The following ENTREP1 variants were observed in gnomAD, a reference collection of about 807,000 sequenced individuals.
ENTREP1 encodes endosomal transmembrane epsin interactor 1.
the ENTREP1 span, among the ~76,000 whole-genome samples, chr9:69,361,988 G>A: frequency 6.6e-6 from 1 of 151,896 alleles, no homozygotes; most frequent in Admixed American, 6.6e-5. Flanking sequence ...CATTTTAGTG[G>A]GTTTTCAGGA....
the ENTREP1 span, among the ~76,000 whole-genome samples, chr9:69,376,450 A>T: frequency 9.9e-5 from 15 of 152,238 alleles, no homozygotes. Context: ...AGAGAAATAC[A>T]AAATTAGCCT....
chr9:69,368,950 A>G, the ENTREP1 span, among the ~76,000 whole-genome samples: 2 of 152,024 alleles, frequency 1.3e-5, no homozygotes, highest in Non-Finnish European at 2.9e-5. Context: ...TCTCAACTAC[A>G]TTAGTATTTC....
the ENTREP1 span, chr9:69,377,278 G>A: frequency 1.2e-6 from 1 of 822,270 alleles, no homozygotes; most frequent in Non-Finnish European, 2.1e-6. Context: ...GTCTTATGGA[G>A]GCAGCGTTAT....
At chr9:69,384,895 T>A in the ENTREP1 span, among the ~76,000 whole-genome samples, 1 of 151,366 alleles carries the variant, frequency 6.6e-6, no homozygotes, top group Non-Finnish European at 1.5e-5. Flanking sequence ...GTTCATAATT[T>A]TTCCATTTTT....
chr9:69,357,095 C>CA, the ENTREP1 span, among the ~76,000 whole-genome samples: 759 of 88,930 alleles, frequency 8.5e-3, 11 homozygotes, highest in East Asian at 0.058. Context: ...ACCATCTCTA[C>CA]AAAAAAAAAA....
At chr9:69,325,350 T>G in the ENTREP1 span, 1 of 1,165,390 alleles carries the variant, frequency 8.6e-7, no homozygotes, top group Non-Finnish European at 1.1e-6. Context: ...TGCTGCCCCG[T>G]GGCTGGGCTT....
chr9:69,383,985 T>C, the ENTREP1 span: 9 of 1,613,882 alleles, frequency 5.6e-6, no homozygotes. Context: ...CAGAAGCTGC[T>C]GTGATCCCAT....
chr9:69,372,224 TA>T, the ENTREP1 span, among the ~76,000 whole-genome samples: 1 of 152,188 alleles, frequency 6.6e-6, no homozygotes, highest in Non-Finnish European at 1.5e-5. Context: ...TTTACCATCT[TA>T]ACCATTTTTA....
the ENTREP1 span, among the ~76,000 whole-genome samples, chr9:69,332,783 C>A: frequency 6.6e-6 from 1 of 152,170 alleles, no homozygotes; most frequent in Admixed American, 6.5e-5. Flanking sequence ...TACCTTTCAA[C>A]TTAGAAACTT....
chr9:69,388,160 G>A, the ENTREP1 span: 23 of 1,614,052 alleles, frequency 1.4e-5, no homozygotes, highest in East Asian at 5.1e-4. Context: ...GCCCACAGCT[G>A]CCCCAGTGCT....
chr9:69,367,872 A>T, the ENTREP1 span, among the ~76,000 whole-genome samples: 26 of 77,694 alleles, frequency 3.3e-4, 2 homozygotes, highest in South Asian at 2.1e-3. Context: ...CATATATATA[A>T]ATATATATAT....
At chr9:69,353,644 A>G in the ENTREP1 span, among the ~76,000 whole-genome samples, 83 of 152,318 alleles carry the variant, frequency 5.4e-4, no homozygotes, top group African/African-American at 1.9e-3. Context: ...ACAATCTTCA[A>G]ATAACTTTTC....
the ENTREP1 span, chr9:69,383,357 C>T: frequency 8.2e-7 from 1 of 1,216,936 alleles, no homozygotes; most frequent in East Asian, 4.3e-5. Context: ...CACTAATCTG[C>T]TCTGTGTCTC....
At chr9:69,388,328 G>C in the ENTREP1 span, 2 of 1,614,154 alleles carry the variant, frequency 1.2e-6, no homozygotes. Context: ...GAGGTTCCTG[G>C]AGCAGTCCTC....
chr9:69,362,906 C>T, the ENTREP1 span, among the ~76,000 whole-genome samples: 9 of 152,176 alleles, frequency 5.9e-5, no homozygotes, highest in Admixed American at 2.6e-4. Context: ...AGACCGGCTT[C>T]CTTGCACCTC....
At chr9:69,347,917 T>C in the ENTREP1 span, among the ~76,000 whole-genome samples, 1 of 152,212 alleles carries the variant, frequency 6.6e-6, no homozygotes, top group Non-Finnish European at 1.5e-5. Context: ...CTGTTTCCTT[T>C]GCCAAGTCAA....
chr9:69,327,906 T>TA, the ENTREP1 span, among the ~76,000 whole-genome samples: 1 of 137,524 alleles, frequency 7.3e-6, no homozygotes, highest in Non-Finnish European at 1.6e-5. Flanking sequence ...ACAGAAGCAG[T>TA]AGATACTGTA....
At chr9:69,388,287 A>G in the ENTREP1 span, 4 of 1,614,002 alleles carry the variant, frequency 2.5e-6, no homozygotes, top group African/African-American at 4.0e-5. Context: ...ATAGATTACA[A>G]ATCCTACATG....
the ENTREP1 span, among the ~76,000 whole-genome samples, chr9:69,364,389 A>ATT: frequency 1.1e-3 from 173 of 150,456 alleles, no homozygotes; most frequent in East Asian, 0.011. Context: ...CCCTGCAATG[A>ATT]TTTTTTTTTT....
Sources: allele counts gnomAD v4.1 joint callset (sites outside exome capture counted in the v4.1 genomes callset), GRCh38; gene constraint gnomAD v4.1.1; transcripts MANE v1.5; gene names NCBI Gene and HGNC (gene_info 2026-07-23, HGNC 2026-07-21).